CAMK4: variants seen among roughly 807,000 people sequenced by gnomAD.
The protein encoded by CAMK4 is calcium/calmodulin-dependent protein kinase type IV.
CAMK4 carries 22 observed loss-of-function variants against 44.9 expected under a neutral mutation model. That is an observed-to-expected ratio of 0.49 (90% CI 0.35 to 0.70). CAMK4 has a LOEUF of 0.70. Among genes scored for constraint, CAMK4 ranks in the 30% least tolerant of loss-of-function variants. The probability of loss-of-function intolerance (pLI) is 0.01; values close to 1 mark genes in which losing one functional copy is unlikely to be tolerated. For missense variants in CAMK4, 498 were observed against 586.8 expected (o/e 0.85, Z 1.56); for synonymous variants, 218 against 215.4 (o/e 1.01, Z -0.11).
intron 5 of CAMK4, among the ~76,000 whole-genome samples, chr5:111,443,309 C>T (rs868705894): frequency 0.022 from 2,811 of 128,606 alleles, 128 homozygotes; most frequent in African/African-American, 0.08. Flanking sequence ...CACACACACA[C>T]ACACACTATA....
rs1755744589 is a variant in CAMK4, at chr5:111,489,554, T to C, written c.*5088T>C. The C allele has an allele frequency of 6.6e-6, 1 of 152,144 alleles. No individual in the cohort carries two copies. The highest frequency in any genetic ancestry group is 1.5e-5 in the Non-Finnish European group (1 of 68,016). 9.4% of individuals were successfully genotyped at this position (152,144 alleles called of 1,614,324 possible). A position where few individuals can be genotyped will look rare whatever the true frequency, so the allele number is the denominator to read the frequency against. On this transcript the variant is annotated 3_prime_UTR_variant, in exon 11 of 11. Transcript: ENST00000282356. ...TTGGGTTGTGTGATACTAACTTCCT[T>C]CAAGAACTCAGTCTGTTCCCTGTTG...
In CAMK4 at chr5:111,490,361, C is replaced by T. The variant is rs1755774646; in HGVS notation, c.*5895C>T. Reference sequence around the variant, plus strand: ...TGATAGTTCATGCCTGTAATCCCAACACTTTGGGAGGCCGAGGTTGGCAGA... The same window carrying T: ...TGATAGTTCATGCCTGTAATCCCAATACTTTGGGAGGCCGAGGTTGGCAGA... On this transcript the variant is annotated 3_prime_UTR_variant, in exon 11 of 11. Coordinates refer to ENST00000282356, the MANE Select transcript of CAMK4 (RefSeq NM_001744.6). 1 of 152,216 alleles carries T rather than the reference C, an allele frequency of 6.6e-6. No individual in the cohort carries two copies. Among genetic ancestry groups the T allele is most frequent in the African/African-American group, 2.4e-5 (1 of 41,432 alleles). The allele number at this position is 152,216 out of a possible 1,614,324, so 9.4% of individuals were successfully genotyped here.
At chr5:111,450,448 C>G (rs370078251) in intron 7 of CAMK4, among the ~76,000 whole-genome samples, 1 of 151,636 alleles carries the variant, frequency 6.6e-6, no homozygotes, top group South Asian at 2.1e-4. Context: ...CAGGGAGATG[C>G]TTTTCCTGCC....
chr5:111,330,673 A>G (rs2112720188), intron 1 of CAMK4, among the ~76,000 whole-genome samples: 1 of 151,838 alleles, frequency 6.6e-6, no homozygotes, highest in South Asian at 2.1e-4. Context: ...ATTTTATATA[A>G]GGGACTTGAG....
intron 2 of CAMK4, among the ~76,000 whole-genome samples, chr5:111,345,835 C>A (rs189381935): frequency 6.6e-6 from 1 of 151,904 alleles, no homozygotes; most frequent in Non-Finnish European, 1.5e-5. Flanking sequence ...ACTGTCTTCT[C>A]GCTGTTGTGA....
chr5:111,232,278 A>G (rs1201025929), intron 1 of CAMK4, among the ~76,000 whole-genome samples: 1 of 152,194 alleles, frequency 6.6e-6, no homozygotes, highest in Non-Finnish European at 1.5e-5. Context: ...AATAAGTAAA[A>G]TGAATAAAAC....
chr5:111,377,663 T>G (rs1751265915), intron 4 of CAMK4, among the ~76,000 whole-genome samples: 2 of 152,284 alleles, frequency 1.3e-5, no homozygotes, highest in Admixed American at 1.3e-4. Flanking sequence ...TGATGGGCTC[T>G]TGAGAGCCTT....
At position 111,249,666 on chromosome 5, in the gene CAMK4, A is replaced by ATATATATATG. The variant is rs1242789662; in HGVS notation, c.161+25023_161+25024insATATATATGT. Among the ~76,000 whole-genome samples the ATATATATATG allele has an allele frequency of 5.4e-3, 764 of 140,718 alleles. 6 individuals carry two copies. Among genetic ancestry groups the ATATATATATG allele is most frequent in the African/African-American group, 0.019 (717 of 37,608 alleles). 92.3% of individuals were successfully genotyped at this position (140,718 alleles called of 152,430 possible). On this transcript the variant is annotated intron_variant, in intron 1 of 10. Transcript: ENST00000282356. ...TATATGTGTGTGTGTGTGTATATATATGTGTGTGTGTGTGTGTGTGTGTGT... is the reference window on the plus strand; with the variant it reads ...TATATGTGTGTGTGTGTGTATATATATATATATATGTGTGTGTGTGTGTGTGTGTGTGTGT...
chr5:111,427,608 C>T (rs1384012322), intron 5 of CAMK4, among the ~76,000 whole-genome samples: 2 of 152,222 alleles, frequency 1.3e-5, no homozygotes, highest in African/African-American at 4.8e-5. Flanking sequence ...AGTAGTTTGG[C>T]ATTCCTCGTG....
intron 4 of CAMK4, 92 bp from the exon 5 acceptor site, chr5:111,394,617 CA>C: frequency 1.3e-6 from 1 of 779,670 alleles, no homozygotes; most frequent in South Asian, 1.7e-5. Flanking sequence ...TGTTTATGTG[CA>C]CCATCTTTAA....
At chr5:111,293,747 T>TA (rs1308529519) in intron 1 of CAMK4, among the ~76,000 whole-genome samples, 1 of 138,674 alleles carries the variant, frequency 7.2e-6, no homozygotes, top group African/African-American at 2.7e-5. Flanking sequence ...CTCTACTTTT[T>TA]TTTTTTTTTT....
Position 111,409,290 on chromosome 5 carries a change from C to T in CAMK4, c.459+14508C>T, listed in dbSNP as rs184521916. Among the ~76,000 whole-genome samples the T allele has an allele frequency of 1.1e-3, 173 of 152,346 alleles. 1 individual carries two copies. Among genetic ancestry groups the T allele is most frequent in the African/African-American group, 4.1e-3 (170 of 41,586 alleles). On this transcript the variant is annotated intron_variant, in intron 5 of 10. Coordinates refer to ENST00000282356, the MANE Select transcript of CAMK4 (RefSeq NM_001744.6). ...TCAGTTCTTGACTTCTGTGCACCCA[C>T]AGGCTCAACACCATGTGGAAGCCAC... is the stretch of plus-strand genomic sequence containing the variant.
At chr5:111,311,523 G>A (rs551848138) in intron 1 of CAMK4, among the ~76,000 whole-genome samples, 15 of 152,256 alleles carry the variant, frequency 9.9e-5, no homozygotes, top group African/African-American at 2.9e-4. Flanking sequence ...AATGGATTGA[G>A]GCCAGGTTGT....
At chr5:111,439,572 T>C (rs891718106) in intron 5 of CAMK4, among the ~76,000 whole-genome samples, 38 of 152,158 alleles carry the variant, frequency 2.5e-4, no homozygotes, top group African/African-American at 8.0e-4. Flanking sequence ...GGGTAAACTA[T>C]GAGTTTAGTT....
At chr5:111,328,803 C>T (rs1749019838) in intron 1 of CAMK4, among the ~76,000 whole-genome samples, 2 of 151,920 alleles carry the variant, frequency 1.3e-5, no homozygotes, top group South Asian at 4.1e-4. Context: ...CATGATTTGG[C>T]TCTCTGTTTG....
At chr5:111,224,353 T>G, upstream of CAMK4, 1 of 1,258,436 alleles carries the variant, frequency 7.9e-7, no homozygotes, top group Middle Eastern at 3.0e-4. The surrounding 1 kb of genome is among the most constrained non-coding windows in gnomAD (Gnocchi z 5.7). Flanking sequence ...GCGGCGGCGG[T>G]GGGCGTGTGC....
rs79712527 is a variant in CAMK4, at chr5:111,348,392, T to C, written c.240+4290T>C. Among the ~76,000 whole-genome samples the C allele has an allele frequency of 2.2e-4, 33 of 152,126 alleles. No homozygotes were observed. In the East Asian group the frequency reaches 6.2e-3, roughly 29 times the overall value. On this transcript the variant is annotated intron_variant, in intron 2 of 10. Transcript: ENST00000282356. The stretch of plus-strand genomic sequence containing the variant: ...AGGTGCAGGACAGAGTCAACACTGA[T>C]AATTAACATACAGTGAATTGTCATG...
Position 111,235,900 on chromosome 5 carries a change from C to A in CAMK4, c.161+11256C>A, listed in dbSNP as rs1050995699. Reference sequence around the variant, plus strand: ...GCAGCTACTCAGGGTGGCTCTGAGGCGGGGAGCACCAAGCAGGCCATTCTG... The same window carrying A: ...GCAGCTACTCAGGGTGGCTCTGAGGAGGGGAGCACCAAGCAGGCCATTCTG... On this transcript the variant is annotated intron_variant, in intron 1 of 10. Transcript: ENST00000282356. 2.0e-5 allele frequency among the ~76,000 whole-genome samples: 3 copies of A among 152,052 alleles called. No homozygotes were observed. The East Asian group carries it at 5.8e-4, about 29-fold the overall frequency.
chr5:111,422,757 ATTTGTT>A (rs1341154679), intron 5 of CAMK4, among the ~76,000 whole-genome samples: 2 of 152,056 alleles, frequency 1.3e-5, no homozygotes, highest in African/African-American at 4.8e-5. Context: ...ATGTATTTGT[ATTTGTT>A]TTTATCTTTT....
Sources: allele counts gnomAD v4.1 joint callset (sites outside exome capture counted in the v4.1 genomes callset), GRCh38; gene constraint gnomAD v4.1.1; non-coding constraint Gnocchi (gnomAD v3.1); transcripts MANE v1.5; gene names NCBI Gene and HGNC (gene_info 2026-07-23, HGNC 2026-07-21).